The following ESRRG variants were observed in gnomAD, a reference collection of about 807,000 sequenced individuals.
The protein encoded by ESRRG is estrogen related receptor gamma.
ESRRG carries 13 observed loss-of-function variants against 44.0 expected under a neutral mutation model. The observed-to-expected ratio is 0.30, with a 90% CI of 0.19 to 0.47. The LOEUF is 0.47. Among genes scored for constraint, ESRRG ranks in the 20% least tolerant of loss-of-function variants. The pLI is 1.00. For missense variants in ESRRG, 395 were observed against 580.6 expected (o/e 0.68, Z 3.29); for synonymous variants, 215 against 214.6 (o/e 1.00, Z -0.02).
intron 2 of ESRRG, among the ~76,000 whole-genome samples, chr1:216,732,425 G>T (rs569121771): frequency 9.3e-5 from 14 of 149,966 alleles, no homozygotes; most frequent in African/African-American, 3.4e-4. Context: ...CGCCCAGGCT[G>T]GTGTGCAGTG....
At chr1:216,657,386 T>C (rs1199271939) in intron 2 of ESRRG, among the ~76,000 whole-genome samples, 1 of 152,112 alleles carries the variant, frequency 6.6e-6, no homozygotes, top group Non-Finnish European at 1.5e-5. Flanking sequence ...ACCAAATACT[T>C]TTTGGTGCTT....
At chr1:216,832,153 T>C (rs1362317454) in intron 2 of ESRRG, among the ~76,000 whole-genome samples, 3 of 152,200 alleles carry the variant, frequency 2.0e-5, no homozygotes, top group East Asian at 1.9e-4. Context: ...TGAATCATTG[T>C]ACATTTAATA....
At chr1:217,082,126 G>T (rs995578432) in intron 1 of ESRRG, among the ~76,000 whole-genome samples, 3 of 152,160 alleles carry the variant, frequency 2.0e-5, no homozygotes, top group African/African-American at 7.2e-5. Flanking sequence ...ACTAGCAGGT[G>T]CCCAGCAACT....
intron 1 of ESRRG, among the ~76,000 whole-genome samples, chr1:216,987,812 A>G (rs538448501): frequency 1.5e-4 from 23 of 152,144 alleles, no homozygotes; most frequent in Non-Finnish European, 3.2e-4. Context: ...ATCTGCTTGC[A>G]TGGCAGCAGA....
At chr1:216,650,470 T>A (rs2068664306) in intron 3 of ESRRG, among the ~76,000 whole-genome samples, 1 of 152,218 alleles carries the variant, frequency 6.6e-6, no homozygotes, top group African/African-American at 2.4e-5. Context: ...ATTTTATGTT[T>A]GTTGTTGTTA....
intron 3 of ESRRG, among the ~76,000 whole-genome samples, chr1:216,591,260 A>G (rs894783687): frequency 6.6e-6 from 1 of 152,220 alleles, no homozygotes; most frequent in African/African-American, 2.4e-5. Context: ...TCATGCCTAC[A>G]TAATGGAAAC....
chr1:216,875,754 A>G (rs1274944637), intron 2 of ESRRG, among the ~76,000 whole-genome samples: 1 of 152,088 alleles, frequency 6.6e-6, no homozygotes, highest in Non-Finnish European at 1.5e-5. Flanking sequence ...CTTTTGGTGC[A>G]TATTCTGTTG....
intron 2 of ESRRG, among the ~76,000 whole-genome samples, chr1:216,840,192 A>G (rs1559829323): frequency 6.6e-6 from 1 of 152,140 alleles, no homozygotes; most frequent in African/African-American, 2.4e-5. Flanking sequence ...TCCTAGCTAG[A>G]TCTTCTGGAT....
At position 216,514,740 on chromosome 1, in the gene ESRRG, T is replaced by G. The variant is rs551080745; in HGVS notation, c.1132+4412A>C. On this transcript the variant is annotated intron_variant, in intron 6 of 6. Transcript: ENST00000408911. ...TAGCCATGCATGATTATCAGCTTTC[T>G]TCGCATACCTGTGAAATAGTACTGG... Among the ~76,000 whole-genome samples, 4 of 152,246 alleles carry G rather than the reference T, an allele frequency of 2.6e-5. No homozygotes were observed. In the South Asian group the frequency reaches 8.3e-4, roughly 32 times the overall value.
chr1:216,545,935 A>C (rs982755366), intron 5 of ESRRG, among the ~76,000 whole-genome samples: 1 of 152,116 alleles, frequency 6.6e-6, no homozygotes, highest in Non-Finnish European at 1.5e-5. Context: ...ATTGATGAAG[A>C]TGACTTCTTG....
chr1:216,931,802 C>T (rs2063376735), intron 2 of ESRRG, among the ~76,000 whole-genome samples: 1 of 147,654 alleles, frequency 6.8e-6, no homozygotes, highest in Non-Finnish European at 1.5e-5. Flanking sequence ...AGAGGAGAAG[C>T]CAATCTAATC....
At chr1:216,784,010 T>G (rs1241438739) in intron 2 of ESRRG, among the ~76,000 whole-genome samples, 2 of 152,084 alleles carry the variant, frequency 1.3e-5, no homozygotes, top group Non-Finnish European at 2.9e-5. Flanking sequence ...CCATGCCTCT[T>G]GCTTTTCTTT....
chr1:216,827,969 G>A (rs2095425503), intron 2 of ESRRG, among the ~76,000 whole-genome samples: 2 of 152,178 alleles, frequency 1.3e-5, no homozygotes, highest in South Asian at 4.1e-4. Context: ...AAGAAAAATT[G>A]TGAACTTCTG....
chr1:216,808,771 T>C (rs1178318654), intron 2 of ESRRG, among the ~76,000 whole-genome samples: 1 of 152,138 alleles, frequency 6.6e-6, no homozygotes, highest in African/African-American at 2.4e-5. Flanking sequence ...GGTTTGATCA[T>C]AAACAAGTGC....
At chr1:216,812,486 CA>C (rs986146026) in intron 2 of ESRRG, among the ~76,000 whole-genome samples, 3 of 149,278 alleles carry the variant, frequency 2.0e-5, no homozygotes, top group East Asian at 2.0e-4. Flanking sequence ...ATGAACATGG[CA>C]AAAAAAAAGA....
At chr1:216,911,234 A>G (rs969583282) in intron 2 of ESRRG, among the ~76,000 whole-genome samples, 1 of 152,208 alleles carries the variant, frequency 6.6e-6, no homozygotes, top group African/African-American at 2.4e-5. Context: ...GATGTCCTTC[A>G]GTAAGTGAAA....
At chr1:217,013,801 C>CCT (rs10693834) in intron 1 of ESRRG, among the ~76,000 whole-genome samples, 1 of 151,658 alleles carries the variant, frequency 6.6e-6, no homozygotes, top group African/African-American at 2.4e-5. Context: ...GCACAGTGCT[C>CCT]CCTGACTGGT....
At chr1:216,652,057 C>T (rs1035812653) in intron 2 of ESRRG, among the ~76,000 whole-genome samples, 7 of 152,088 alleles carry the variant, frequency 4.6e-5, no homozygotes, top group Non-Finnish European at 8.8e-5. Context: ...CTAACCCTTT[C>T]CCCTTGTGAT....
At chr1:216,573,310 A>G (rs1327497488) in intron 3 of ESRRG, among the ~76,000 whole-genome samples, 2 of 151,984 alleles carry the variant, frequency 1.3e-5, no homozygotes, top group African/African-American at 4.8e-5. Context: ...GAATGGTTCA[A>G]TTCTTTGTCT....
Sources: gnomAD v4.1 joint callset for allele counts (sites outside exome capture counted in the v4.1 genomes callset) on GRCh38, gnomAD v4.1.1 for gene constraint, MANE v1.5 for transcripts, NCBI Gene and HGNC (gene_info 2026-07-23, HGNC 2026-07-21) for gene names.